Variants in PIK3C2G observed in about 807,000 individuals in gnomAD.
PIK3C2G encodes the protein phosphatidylinositol 3-kinase C2 domain-containing subunit gamma.
Under a neutral mutation model 181.1 loss-of-function variants are expected in PIK3C2G, and 168 were observed. The ratio of observed to expected loss-of-function variants is 0.93; its 90% CI spans 0.82 to 1.05. The LOEUF is 1.05. PIK3C2G is among the 50% of genes least tolerant of loss of function. The pLI is 0.00. For missense variants in PIK3C2G, 1,869 were observed against 1,732.8 expected, an observed-to-expected ratio of 1.08 and a Z score of -1.40; for synonymous variants, 573 against 592.2, an observed-to-expected ratio of 0.97 and a Z score of 0.47.
chr12:18,724,118 G>A, the PIK3C2G span, among the ~76,000 whole-genome samples: 1 of 152,092 alleles, frequency 6.6e-6, no homozygotes, highest in East Asian at 1.9e-4. Flanking sequence ...CAGGATGATT[G>A]GGAGTTTCTG....
chr12:18,677,281 G>A, the PIK3C2G span, among the ~76,000 whole-genome samples: 1,761 of 152,174 alleles, frequency 0.012, 13 homozygotes, highest in Non-Finnish European at 0.02. Context: ...GAAAGATGGC[G>A]AGCAAGACAG....
At chr12:18,287,298 G>A (rs1949488700) in intron 3 of PIK3C2G, among the ~76,000 whole-genome samples, 1 of 151,790 alleles carries the variant, frequency 6.6e-6, no homozygotes, top group Non-Finnish European at 1.5e-5. Flanking sequence ...TCCCTACCTG[G>A]GACAGTCTAT....
At chr12:18,427,723 G>T (rs112293541) in intron 18 of PIK3C2G, among the ~76,000 whole-genome samples, 1 of 151,640 alleles carries the variant, frequency 6.6e-6, no homozygotes, top group Non-Finnish European at 1.5e-5. Context: ...ACACAATTAC[G>T]TCACTGTTTC....
chr12:18,577,453 T>G (rs1456078169), intron 29 of PIK3C2G, among the ~76,000 whole-genome samples: 2 of 152,172 alleles, frequency 1.3e-5, no homozygotes, highest in Non-Finnish European at 2.9e-5. Context: ...TCTCCATTGG[T>G]CAGTATTTAC....
Position 18,282,114 on chromosome 12 carries a change from TA to T in PIK3C2G, c.35del (p.Asn12MetfsTer16). 6.2e-7 allele frequency: 1 copy of T among 1,604,712 alleles called. No homozygotes were observed. The highest frequency in any genetic ancestry group is 1.1e-5 in the South Asian group (1 of 89,854). ...ATTCTTGGCAAACGGATCCAAATCC[TA>T]ATGAATCACACGAAAAGCAGTATGA... is the stretch of plus-strand genomic sequence containing the variant. ...AYSWQTDPNP[N>X]ESHEKQYEHQ... On this transcript the variant is annotated frameshift_variant, in exon 2 of 33. Coordinates refer to ENST00000538779, the MANE Select transcript of PIK3C2G (RefSeq NM_001288772.2). LOFTEE classifies it high-confidence loss of function.
intron 31 of PIK3C2G, among the ~76,000 whole-genome samples, chr12:18,628,424 A>G (rs533339489): frequency 3.3e-5 from 5 of 152,264 alleles, no homozygotes; most frequent in Admixed American, 2.0e-4. Flanking sequence ...CATGTTTTTA[A>G]GATAATTTTA....
At chr12:18,347,222 T>G (rs1470708678) in intron 11 of PIK3C2G, among the ~76,000 whole-genome samples, 1 of 147,066 alleles carries the variant, frequency 6.8e-6, no homozygotes, top group East Asian at 2.1e-4. Context: ...TCTTTAAAAA[T>G]AGAAAAAAAA....
In PIK3C2G at chr12:18,282,348, C is replaced by T; in HGVS notation, c.267C>T (p.Phe89=). The T allele has an allele frequency of 3.7e-6, 6 of 1,613,680 alleles. No individual in the cohort carries two copies. Among genetic ancestry groups the T allele is most frequent in the Non-Finnish European group, 5.1e-6 (6 of 1,179,690 alleles). ...CACACCAAATATCCTTGAATGAATT[C>T]ACTTCTAAAAGCCGTGAACTCTCCT... ...NEAHQISLNE[F]TSKSRELSWH... Residue 89 remains phenylalanine, a synonymous_variant, in exon 2 of 33, where the codon TTC becomes TTT. Transcript: ENST00000538779.
intron 29 of PIK3C2G, 77 bp from the exon 30 acceptor site, chr12:18,594,417 G>T: frequency 1.3e-6 from 1 of 777,350 alleles, no homozygotes; most frequent in South Asian, 1.9e-5. Flanking sequence ...TGATATATAT[G>T]GCAATTTTAT....
At chr12:18,583,860 A>C (rs1337986264) in intron 29 of PIK3C2G, among the ~76,000 whole-genome samples, 1 of 152,184 alleles carries the variant, frequency 6.6e-6, no homozygotes, top group Non-Finnish European at 1.5e-5. Flanking sequence ...AGGGTTCTTA[A>C]CTAGGCTGAG....
chr12:18,547,034 G>A (rs1944468550), intron 26 of PIK3C2G, among the ~76,000 whole-genome samples: 1 of 151,810 alleles, frequency 6.6e-6, no homozygotes, highest in African/African-American at 2.4e-5. Context: ...CAAATTTTAG[G>A]TGCTCAATAA....
chr12:18,627,579 T>G (rs1406800938), intron 31 of PIK3C2G, among the ~76,000 whole-genome samples: 1 of 152,180 alleles, frequency 6.6e-6, no homozygotes, highest in African/African-American at 2.4e-5. Context: ...TATAAGTAGG[T>G]GACCTCCTAT....
At chr12:18,587,431 A>G (rs181095727) in intron 29 of PIK3C2G, among the ~76,000 whole-genome samples, 1 of 152,292 alleles carries the variant, frequency 6.6e-6, no homozygotes, top group Admixed American at 6.5e-5. Flanking sequence ...CAACAGCCAA[A>G]TCAAGAATGA....
chr12:18,507,414 G>A (rs1016225121), intron 24 of PIK3C2G, among the ~76,000 whole-genome samples: 4 of 152,126 alleles, frequency 2.6e-5, no homozygotes, highest in Non-Finnish European at 5.9e-5. Flanking sequence ...TAATTAATAT[G>A]CATTTACCAT....
At chr12:18,400,417 A>G (rs1018635516) in intron 16 of PIK3C2G, among the ~76,000 whole-genome samples, 1 of 152,182 alleles carries the variant, frequency 6.6e-6, no homozygotes, top group Non-Finnish European at 1.5e-5. Flanking sequence ...TCCAGGAGAA[A>G]CAAGTCTTCC....
chr12:18,364,322 C>T (rs1238844597), intron 12 of PIK3C2G, among the ~76,000 whole-genome samples: 3 of 152,138 alleles, frequency 2.0e-5, no homozygotes, highest in Non-Finnish European at 4.4e-5. Flanking sequence ...CTGGGAAACA[C>T]ATAATTATCT....
intron 5 of PIK3C2G, among the ~76,000 whole-genome samples, chr12:18,311,199 C>T (rs1248901192): frequency 6.6e-6 from 1 of 151,952 alleles, no homozygotes; most frequent in Non-Finnish European, 1.5e-5. Flanking sequence ...TATACACACA[C>T]ATACAGACAC....
intron 1 of PIK3C2G, among the ~76,000 whole-genome samples, chr12:18,254,465 T>A (rs1948124131): frequency 6.6e-6 from 1 of 152,008 alleles, no homozygotes; most frequent in Admixed American, 6.5e-5. Context: ...GAAAGTTATT[T>A]ATAAACATAT....
intron 31 of PIK3C2G, among the ~76,000 whole-genome samples, chr12:18,612,985 G>C (rs1163689365): frequency 6.6e-6 from 1 of 152,068 alleles, no homozygotes; most frequent in Non-Finnish European, 1.5e-5. Context: ...AGTAGTGCAA[G>C]TATTTAAAAG....
Sources: gnomAD v4.1 joint callset for allele counts (sites outside exome capture counted in the v4.1 genomes callset) on GRCh38, gnomAD v4.1.1 for gene constraint, MANE v1.5 for transcripts, NCBI Gene and HGNC (gene_info 2026-07-23, HGNC 2026-07-21) for gene names.